Variants in KLHDC4 observed in about 807,000 individuals in gnomAD.
The protein encoded by KLHDC4 is kelch domain containing 4.
In KLHDC4, 90 loss-of-function variants were observed where a neutral mutation model predicts 62.4. The ratio of observed to expected loss-of-function variants is 1.44; its 90% CI spans 1.22 to 1.72. The LOEUF is 1.72. Ranked by LOEUF, KLHDC4 falls within the 40% of genes most tolerant of loss-of-function variation. The pLI is 0.00. For missense variants in KLHDC4, 1,025 were observed against 699.7 expected, an observed-to-expected ratio of 1.47 and a Z score of -5.25; for synonymous variants, 386 against 284.4, an observed-to-expected ratio of 1.36 and a Z score of -3.59.
intron 5 of KLHDC4, among the ~76,000 whole-genome samples, chr16:87,745,623 C>G (rs147026804): frequency 2.6e-5 from 4 of 152,220 alleles, no homozygotes; most frequent in African/African-American, 9.6e-5. Context: ...ACACAACAGA[C>G]TGCAGTCAAC....
exon 1 of KLHDC4, chr16:87,701,729 C>G (rs1156436143): frequency 1.8e-5 from 8 of 456,794 alleles, no homozygotes; most frequent in Admixed American, 1.6e-4. Context: ...ATGCCACCTG[C>G]TCAGGCCTAT....
chr16:87,715,883 G>A (rs2036865689), intron 7 of KLHDC4, among the ~76,000 whole-genome samples: 1 of 152,190 alleles, frequency 6.6e-6, no homozygotes. Context: ...CTTCAGGCAT[G>A]CTCTGTGCCT....
chr16:87,762,069 A>G (rs777194297), intron 1 of KLHDC4, 29 bp from the exon 2 acceptor site: 3 of 1,608,550 alleles, frequency 1.9e-6, no homozygotes, highest in South Asian at 2.2e-5. Context: ...CACACGTGAG[A>G]CTTATTCCCA....
In KLHDC4 at chr16:87,708,441, C is replaced by T. The variant is rs1296455975; in HGVS notation, c.1473G>A (p.Thr491=). 5.6e-6 allele frequency: 9 copies of T among 1,609,978 alleles called. No homozygotes were observed. Among genetic ancestry groups the T allele is most frequent in the East Asian group, 2.2e-5 (1 of 44,838 alleles). Residue 491 remains threonine, a synonymous_variant, in exon 11 of 12, where the codon ACG becomes ACA. Coordinates refer to ENST00000270583, the MANE Select transcript of KLHDC4 (RefSeq NM_017566.4). ...DPETQEWLEE[T]DSEEDSEEVE... is the part of the protein sequence containing the mutation. ...CCTCCTCACTGTCCTCTTCCGAGTC[C>T]GTCTCCTCCAGCCACTCCTGAGTTT...
chr16:87,719,577 A>C (rs2037831954), intron 7 of KLHDC4, among the ~76,000 whole-genome samples: 2 of 152,052 alleles, frequency 1.3e-5, no homozygotes, highest in Non-Finnish European at 2.9e-5. Flanking sequence ...ACCTTTGTTC[A>C]CATGTTTATC....
chr16:87,698,678 T>G (rs1187902611), exon 1 of KLHDC4: 1 of 152,234 alleles, frequency 6.6e-6, no homozygotes, highest in East Asian at 1.9e-4. Flanking sequence ...AAGGCTAAAA[T>G]GCCCCGGGTC....
chr16:87,702,625 A>T (rs957031360), upstream of KLHDC4: 1 of 235,934 alleles, frequency 4.2e-6, no homozygotes, highest in Non-Finnish European at 8.6e-6. Flanking sequence ...CCCTGTCCCC[A>T]GAGCCCGGCG....
intron 1 of KLHDC4, 106 bp from the exon 2 acceptor site, chr16:87,762,146 C>A: frequency 6.5e-7 from 1 of 1,540,476 alleles, no homozygotes; most frequent in South Asian, 1.2e-5. Context: ...TGGGCTCAGT[C>A]ACATCTGTGA....
chr16:87,707,985 G>A lies in KLHDC4; in HGVS notation c.*92C>T, dbSNP rs758584745. ...TCAGCTCTCTCCTGTGCGTCAGGAC[G>A]CACGCTGGCCCCAAGAGCTTCACTC... On this transcript the variant is annotated 3_prime_UTR_variant, in exon 12 of 12. Transcript: ENST00000270583. The A allele has an allele frequency of 1.1e-4, 51 of 477,334 alleles. 1 individual carries two copies. The highest frequency in any genetic ancestry group is 3.7e-4 in the South Asian group (24 of 64,746). 29.6% of individuals were successfully genotyped at this position (477,334 alleles called of 1,614,324 possible).
Position 87,726,831 on chromosome 16 carries a change from T to C in KLHDC4, c.693A>G (p.Arg231=), listed in dbSNP as rs369087112. ...LSPSGTGPTP[R]SGCQMSVTPQ... ...GAGTGACGGACATCTGGCAGCCTGA[T>C]CTGGGTGTGGGCCCCGTCCCTGACG... The change falls in exon 7 of 12, where the codon AGA becomes AGG. Residue 231 remains arginine, a synonymous_variant. Coordinates refer to ENST00000270583, the MANE Select transcript of KLHDC4 (RefSeq NM_017566.4). 6.2e-7 allele frequency: 1 copy of C among 1,611,908 alleles called. No homozygotes were observed. Among genetic ancestry groups the C allele is most frequent in the Non-Finnish European group, 8.5e-7 (1 of 1,179,312 alleles).
At chr16:87,743,733 C>T (rs1438811286) in intron 5 of KLHDC4, among the ~76,000 whole-genome samples, 1 of 151,666 alleles carries the variant, frequency 6.6e-6, no homozygotes, top group Non-Finnish European at 1.5e-5. Flanking sequence ...GAGCGCGACA[C>T]CGCCTCAAAA....
chr16:87,748,705 C>A lies in KLHDC4; in HGVS notation c.474G>T (p.Leu158=). ...QFYHYKDLWV[L]HLATKTWEQV... Reference sequence around the variant, plus strand: ...GTTCCCAGGTCTTGGTGGCCAAATGCAGGACCCAGAGATCCTTGTAGTGGT... The same window carrying A: ...GTTCCCAGGTCTTGGTGGCCAAATGAAGGACCCAGAGATCCTTGTAGTGGT... The change falls in exon 5 of 12, where the codon CTG becomes CTT. Residue 158 remains leucine, a synonymous_variant. Transcript: ENST00000270583. The A allele has an allele frequency of 6.2e-7, 1 of 1,613,664 alleles. No individual in the cohort carries two copies. Among genetic ancestry groups the A allele is most frequent in the Non-Finnish European group, 8.5e-7 (1 of 1,179,942 alleles).
Position 87,762,016 on chromosome 16 carries a change from G to C in KLHDC4, c.124C>G (p.His42Asp). ...EEEDLEALIA[H>D]FQTLDAKRTQ... ...CTCTTGGCATCGAGTGTCTGGAAAT[G>C]GGCTATGAGCGCTTCCAGGTCTTCC... is the stretch of plus-strand genomic sequence containing the variant. The change falls in exon 2 of 12, where the codon CAT (histidine) becomes GAT (aspartate). Residue 42 changes from histidine to aspartate, a missense_variant. His to Asp is a moderately conservative substitution (Grantham distance 81, BLOSUM62 -1). Transcript: ENST00000270583. The C allele has an allele frequency of 3.1e-6, 5 of 1,614,012 alleles. No individual in the cohort carries two copies. The highest frequency in any genetic ancestry group is 4.2e-6 in the Non-Finnish European group (5 of 1,179,952).
At chr16:87,725,931 G>T (rs1340912546) in intron 7 of KLHDC4, among the ~76,000 whole-genome samples, 1 of 152,084 alleles carries the variant, frequency 6.6e-6, no homozygotes, top group Non-Finnish European at 1.5e-5. Flanking sequence ...AGTAGTGAGC[G>T]TCCATGGTGC....
intron 7 of KLHDC4, among the ~76,000 whole-genome samples, chr16:87,724,962 A>G (rs1343740528): frequency 1.3e-5 from 2 of 152,236 alleles, no homozygotes; most frequent in African/African-American, 4.8e-5. Flanking sequence ...CCAGGTGTCC[A>G]ACGAAAAACA....
At chr16:87,706,788 G>A (rs1249820549), downstream of KLHDC4, among the ~76,000 whole-genome samples, 3 of 152,192 alleles carry the variant, frequency 2.0e-5, no homozygotes, top group Non-Finnish European at 4.4e-5. Flanking sequence ...ATCCTGAGAG[G>A]CGACACTTCT....
intron 5 of KLHDC4, among the ~76,000 whole-genome samples, chr16:87,744,664 T>C (rs184019951): frequency 2.6e-5 from 4 of 151,038 alleles, no homozygotes; most frequent in Admixed American, 2.0e-4. Flanking sequence ...AGACTTTAAG[T>C]AAATGAGAAA....
chr16:87,719,634 C>A (rs188320354), intron 7 of KLHDC4, among the ~76,000 whole-genome samples: 1 of 151,752 alleles, frequency 6.6e-6, no homozygotes, highest in Admixed American at 6.6e-5. Flanking sequence ...CCAAATCCCC[C>A]TCTCCGAGAA....
chr16:87,716,705 T>C (rs778138434), intron 7 of KLHDC4, among the ~76,000 whole-genome samples: 1 of 150,568 alleles, frequency 6.6e-6, no homozygotes, highest in African/African-American at 2.5e-5. Context: ...CCGAGGGGGG[T>C]AGACCATGAG....
Sources: gnomAD v4.1 joint callset for allele counts (sites outside exome capture counted in the v4.1 genomes callset) on GRCh38, gnomAD v4.1.1 for gene constraint, MANE v1.5 for transcripts, NCBI Gene and HGNC (gene_info 2026-07-23, HGNC 2026-07-21) for gene names.